EYS: variants seen among roughly 807,000 people sequenced by gnomAD.
The protein encoded by EYS is EGF-like photoreceptor maintenance factor.
Under a neutral mutation model 282.1 loss-of-function variants are expected in EYS, and 250 were observed. That is an observed-to-expected ratio of 0.89 (90% CI 0.80 to 0.98). The LOEUF is 0.98. Ranked by LOEUF, EYS falls within the 50% of genes least tolerant of loss-of-function variation. The pLI is 0.00. For synonymous variants in EYS, 1,355 were observed against 1,282.9 expected, an observed-to-expected ratio of 1.06 and a Z score of -1.20; for missense variants, 4,016 against 3,709.0, an observed-to-expected ratio of 1.08 and a Z score of -2.15.
At chr6:64,481,148 A>C (rs902786192) in intron 26 of EYS, among the ~76,000 whole-genome samples, 2 of 150,928 alleles carry the variant, frequency 1.3e-5, no homozygotes, top group Admixed American at 6.6e-5. Flanking sequence ...AAGCCACTGA[A>C]AACTCACAGC....
chr6:65,174,400 C>T (rs1177303953), intron 12 of EYS, among the ~76,000 whole-genome samples: 1 of 151,240 alleles, frequency 6.6e-6, no homozygotes, highest in Non-Finnish European at 1.5e-5. Flanking sequence ...TTTGTAATTT[C>T]TCTGTCCACC....
chr6:64,092,700 G>A (rs376046036), intron 31 of EYS, among the ~76,000 whole-genome samples: 29 of 151,674 alleles, frequency 1.9e-4, no homozygotes, highest in Non-Finnish European at 1.8e-4. Flanking sequence ...CCATTTTGTA[G>A]GTTGCCTGTT....
intron 5 of EYS, among the ~76,000 whole-genome samples, chr6:65,486,024 G>A (rs767625192): frequency 6.6e-6 from 1 of 152,180 alleles, no homozygotes; most frequent in Non-Finnish European, 1.5e-5. Context: ...ATTGGTTCCT[G>A]TGGTGAAATT....
intron 31 of EYS, among the ~76,000 whole-genome samples, chr6:64,130,274 T>C (rs1773927469): frequency 6.6e-6 from 1 of 152,164 alleles, no homozygotes; most frequent in Admixed American, 6.5e-5. Flanking sequence ...GTGTGGCACA[T>C]ATGCACCATG....
At chr6:64,498,183 T>C (rs185744387) in intron 26 of EYS, among the ~76,000 whole-genome samples, 2 of 152,302 alleles carry the variant, frequency 1.3e-5, no homozygotes, top group African/African-American at 4.8e-5. Context: ...TATTTATTGC[T>C]CTAAGTGATT....
intron 26 of EYS, among the ~76,000 whole-genome samples, chr6:64,471,457 C>T (rs1294021841): frequency 6.6e-6 from 1 of 151,944 alleles, no homozygotes; most frequent in East Asian, 1.9e-4. Context: ...AACAAAGAAG[C>T]TGAAAAATTA....
intron 24 of EYS, among the ~76,000 whole-genome samples, chr6:64,607,047 T>TA (rs149784407): frequency 4.0e-5 from 6 of 150,264 alleles, no homozygotes; most frequent in Admixed American, 2.0e-4. Flanking sequence ...TCTGTATGAA[T>TA]AAAAAAAAAG....
At chr6:64,758,844 G>C (rs1773062852) in intron 22 of EYS, among the ~76,000 whole-genome samples, 1 of 152,126 alleles carries the variant, frequency 6.6e-6, no homozygotes, top group African/African-American at 2.4e-5. Flanking sequence ...AATGATAGTA[G>C]AAAATTAGTC....
At chr6:64,749,335 G>T (rs1187385382) in intron 22 of EYS, among the ~76,000 whole-genome samples, 13 of 152,128 alleles carry the variant, frequency 8.5e-5, no homozygotes, top group Admixed American at 2.0e-4. Flanking sequence ...TTAAGACCTT[G>T]TTACAACACT....
chr6:64,609,450 T>C (rs1767038936), intron 24 of EYS, among the ~76,000 whole-genome samples: 1 of 152,156 alleles, frequency 6.6e-6, no homozygotes, highest in Non-Finnish European at 1.5e-5. Context: ...AGTACAGGGT[T>C]AGAAGATCAG....
At chr6:65,628,228 G>A (rs1022258468) in intron 2 of EYS, among the ~76,000 whole-genome samples, 4 of 152,084 alleles carry the variant, frequency 2.6e-5, no homozygotes, top group Non-Finnish European at 2.9e-5. Context: ...TGCACCAATC[G>A]ACACTCCGTA....
chr6:65,586,929 A>T (rs1473709016), intron 2 of EYS, among the ~76,000 whole-genome samples: 1 of 152,062 alleles, frequency 6.6e-6, no homozygotes, highest in Non-Finnish European at 1.5e-5. Context: ...GATGTCAAAC[A>T]TCTTTTAAAA....
chr6:63,898,112 C>G (rs1773577386), intron 35 of EYS, among the ~76,000 whole-genome samples: 1 of 152,170 alleles, frequency 6.6e-6, no homozygotes, highest in Non-Finnish European at 1.5e-5. Flanking sequence ...CACGCTGGGC[C>G]AAACATCTTG....
intron 30 of EYS, among the ~76,000 whole-genome samples, chr6:64,284,529 A>C (rs527710470): frequency 2.0e-5 from 3 of 152,186 alleles, no homozygotes; most frequent in East Asian, 3.9e-4. Flanking sequence ...CTGGAGGATG[A>C]CGGCCCTCTT....
chr6:65,170,607 A>C (rs1765082832), intron 12 of EYS, among the ~76,000 whole-genome samples: 1 of 151,506 alleles, frequency 6.6e-6, no homozygotes, highest in African/African-American at 2.4e-5. Flanking sequence ...CAAAATGTCT[A>C]AGCCAAAAAT....
intron 19 of EYS, among the ~76,000 whole-genome samples, chr6:64,863,178 C>G (rs1282447867): frequency 6.6e-6 from 1 of 152,098 alleles, no homozygotes; most frequent in Non-Finnish European, 1.5e-5. Context: ...TTTGACTATT[C>G]AAATTCCCAC....
intron 35 of EYS, among the ~76,000 whole-genome samples, chr6:63,972,752 C>T (rs995817940): frequency 1.3e-5 from 2 of 152,060 alleles, no homozygotes; most frequent in African/African-American, 2.4e-5. Flanking sequence ...CATGTGTTCT[C>T]ATTATTTAAC....
intron 35 of EYS, among the ~76,000 whole-genome samples, chr6:63,912,781 A>G (rs866139080): frequency 8.3e-6 from 1 of 119,822 alleles, no homozygotes; most frequent in Admixed American, 8.8e-5. Flanking sequence ...AGCACTCCCC[A>G]CCCGCCCCCC....
intron 22 of EYS, among the ~76,000 whole-genome samples, chr6:64,626,682 T>G (rs1346396223): frequency 6.6e-6 from 1 of 152,208 alleles, no homozygotes; most frequent in Non-Finnish European, 1.5e-5. Context: ...ATAAGATTTT[T>G]TCCTAGAGTT....
Sources: gnomAD v4.1 joint callset for allele counts (sites outside exome capture counted in the v4.1 genomes callset) on GRCh38, gnomAD v4.1.1 for gene constraint, MANE v1.5 for transcripts, NCBI Gene and HGNC (gene_info 2026-07-23, HGNC 2026-07-21) for gene names.